Variants in ENPP1 observed in about 807,000 individuals in gnomAD.
ENPP1 encodes ectonucleotide pyrophosphatase/phosphodiesterase 1, also known as ectonucleotide pyrophosphatase/phosphodiesterase family member 1.
ENPP1 carries 73 observed loss-of-function variants against 122.8 expected under a neutral mutation model. The ratio of observed to expected loss-of-function variants is 0.59; its 90% CI spans 0.49 to 0.72. The LOEUF (loss-of-function observed/expected upper bound fraction) is 0.72. Among genes scored for constraint, ENPP1 ranks in the 30% least tolerant of loss-of-function variants. The probability of loss-of-function intolerance (pLI) is 0.00; values close to 1 mark genes in which losing one functional copy is unlikely to be tolerated. For missense variants in ENPP1, 978 were observed against 1,128.1 expected, an observed-to-expected ratio of 0.87 and a Z score of 1.91; for synonymous variants, 367 against 391.6, an observed-to-expected ratio of 0.94 and a Z score of 0.74.
chr6:131,881,952 G>C (rs1782315137), intron 20 of ENPP1, among the ~76,000 whole-genome samples: 1 of 152,086 alleles, frequency 6.6e-6, no homozygotes. Flanking sequence ...CTGGGGGGCA[G>C]AGTTGCGGTG....
At chr6:131,819,268 T>G (rs1167078863) in intron 1 of ENPP1, among the ~76,000 whole-genome samples, 2 of 152,240 alleles carry the variant, frequency 1.3e-5, no homozygotes, top group Admixed American at 6.5e-5. Context: ...AGTTCAGTAA[T>G]ACCTTTTCCA....
chr6:131,887,725 A>ATTTTTTTTTT (rs757759048), intron 24 of ENPP1, among the ~76,000 whole-genome samples: 6 of 114,846 alleles, frequency 5.2e-5, no homozygotes, highest in African/African-American at 1.1e-4. Flanking sequence ...CACCCGGCTA[A>ATTTTTTTTTT]TTTTTTTTTT....
chr6:131,828,294 C>T, intron 1 of ENPP1: 1 of 527,360 alleles, frequency 1.9e-6, no homozygotes. Flanking sequence ...AGAGCTCCAG[C>T]CAGCATGTCC....
chr6:131,885,184 C>T (rs559260146), intron 23 of ENPP1, 121 bp downstream of exon 23: 1 of 841,142 alleles, frequency 1.2e-6, no homozygotes, highest in South Asian at 1.5e-5. Flanking sequence ...GTGTATGACA[C>T]TTCTGACTAC....
intron 21 of ENPP1, among the ~76,000 whole-genome samples, 186 bp downstream of exon 21, chr6:131,882,660 T>C (rs893732255): frequency 2.7e-5 from 4 of 147,326 alleles, no homozygotes; most frequent in Non-Finnish European, 4.5e-5. Flanking sequence ...TTTATATATA[T>C]ATAGCTATAT....
At chr6:131,886,506 C>A in intron 23 of ENPP1, 56 bp from the exon 24 acceptor site, 2 of 1,292,196 alleles carry the variant, frequency 1.5e-6, no homozygotes, top group South Asian at 1.2e-5. Context: ...CTGAAATATT[C>A]ATCAAAAGGA....
intron 14 of ENPP1, 68 bp from the exon 15 acceptor site, chr6:131,872,855 C>G (rs796538977): frequency 6.8e-7 from 1 of 1,479,326 alleles, no homozygotes; most frequent in Non-Finnish European, 9.4e-7. Context: ...ATATCTTTCC[C>G]TAAAAAAGTT....
rs536901634 is a variant in ENPP1, at chr6:131,847,856, G to GGGGT, written c.313+9_313+10insGGTG. On this transcript the variant is annotated intron_variant, in intron 2 of 24. Coordinates refer to ENST00000647893, the MANE Select transcript of ENPP1 (RefSeq NM_006208.3). ...CAAGCTGTGCCAAAGAAGGTAATTA[G>GGGGT]GTGTGTGTGTGTGTGTGTGTGTGTG... 923 of 1,181,994 alleles carry GGGGT rather than the reference G, an allele frequency of 7.8e-4. 4 individuals carry two copies. In the South Asian group the frequency reaches 9.7e-3, roughly 12 times the overall value. 73.2% of individuals were successfully genotyped at this position (1,181,994 alleles called of 1,614,324 possible).
chr6:131,868,719 C>T (rs1782120629), intron 12 of ENPP1, among the ~76,000 whole-genome samples: 1 of 152,212 alleles, frequency 6.6e-6, no homozygotes, highest in African/African-American at 2.4e-5. Flanking sequence ...GGATTACAGG[C>T]ATTAGCCATC....
At chr6:131,839,929 G>A (rs1173544055) in intron 1 of ENPP1, among the ~76,000 whole-genome samples, 1 of 152,058 alleles carries the variant, frequency 6.6e-6, no homozygotes, top group East Asian at 1.9e-4. Flanking sequence ...TGGACATTAT[G>A]TGTATGTCTA....
intron 1 of ENPP1, among the ~76,000 whole-genome samples, chr6:131,833,294 A>AT (rs926130305): frequency 5.3e-5 from 8 of 151,694 alleles, no homozygotes; most frequent in South Asian, 2.1e-4. Flanking sequence ...TAGTTCTTTG[A>AT]TTTTTTTTAA....
Position 131,860,969 on chromosome 6 carries a change from T to TA in ENPP1, c.915+470dup, listed in dbSNP as rs572802992. ...TTTACTTTTTTAAATTGCCACAATT[T>TA]AAAAAAATTTTTTAAAAATTGCCAC... On this transcript the variant is annotated intron_variant, in intron 8 of 24. Transcript: ENST00000647893. 1.0e-3 allele frequency among the ~76,000 whole-genome samples: 152 copies of TA among 152,282 alleles called. 7 individuals carry two copies. The South Asian group carries it at 0.03, about 31-fold the overall frequency.
chr6:131,886,715 G>C lies in ENPP1; in HGVS notation c.2598G>C (p.Glu866Asp). ...TGCCTCACAGGACTGATAACAGCGA[G>C]AGCTGTGTGGTAAGTAGCTTTTGTA... is the stretch of plus-strand genomic sequence containing the variant. Reference protein sequence around the residue: ...FILPHRTDNSESCVHGKHDSS... With the variant: ...FILPHRTDNSDSCVHGKHDSS... Residue 866 changes from glutamate to aspartate, a missense_variant, in exon 24 of 25, where the codon GAG becomes GAC. Transcript: ENST00000647893. 3 of 1,612,554 alleles carry C rather than the reference G, an allele frequency of 1.9e-6. No individual in the cohort carries two copies. Among genetic ancestry groups the C allele is most frequent in the Non-Finnish European group, 2.5e-6 (3 of 1,179,564 alleles).
At chr6:131,854,236 G>A (rs1781916978) in intron 5 of ENPP1, among the ~76,000 whole-genome samples, 1 of 151,726 alleles carries the variant, frequency 6.6e-6, no homozygotes, top group African/African-American at 2.4e-5. Flanking sequence ...GAGACCTCAT[G>A]TCTACAAAAA....
intron 12 of ENPP1, 87 bp from the exon 13 acceptor site, chr6:131,869,271 A>T: frequency 1.5e-6 from 2 of 1,348,664 alleles, no homozygotes; most frequent in Non-Finnish European, 1.1e-6. Flanking sequence ...TAACGAATTT[A>T]ACCTTGGAAG....
chr6:131,843,951 T>C (rs1213951988), intron 1 of ENPP1, among the ~76,000 whole-genome samples: 1 of 152,018 alleles, frequency 6.6e-6, no homozygotes, highest in Non-Finnish European at 1.5e-5. Context: ...TGCTATACCT[T>C]AGTTTGTTTT....
rs1377229014 is a variant in ENPP1, at chr6:131,849,908, CCTAA to C, written c.314-79_314-76del. 26 of 1,019,330 alleles carry C rather than the reference CCTAA, an allele frequency of 2.6e-5. No homozygotes were observed. In the African/African-American group the frequency reaches 3.5e-4, roughly 14 times the overall value. The allele number at this position is 1,019,330 out of a possible 1,614,324, so 63.1% of individuals were successfully genotyped here. ...AAGTAGTATTTGAACCTAGTGTACA[CCTAA>C]CTTAGTTGTATTCGTTGATGTTTAC... On this transcript the variant is annotated intron_variant, in intron 2 of 24. Transcript: ENST00000647893.
chr6:131,888,800 T>C (rs1391481450), intron 24 of ENPP1, among the ~76,000 whole-genome samples: 1 of 152,148 alleles, frequency 6.6e-6, no homozygotes, highest in Non-Finnish European at 1.5e-5. Context: ...ATTATTTCGT[T>C]TGAGAGATTA....
chr6:131,817,883 G>A lies in ENPP1; in HGVS notation c.240+9608G>A, dbSNP rs556360916. Among the ~76,000 whole-genome samples the A allele has an allele frequency of 8.5e-5, 13 of 152,090 alleles. No homozygotes were observed. In the South Asian group the frequency reaches 2.7e-3, roughly 32 times the overall value. ...AAATTGTCACAGCGAATTGTCACAA[G>A]TGTTTCTCATTTATGGATTGACCAT... On this transcript the variant is annotated intron_variant, in intron 1 of 24. Coordinates refer to ENST00000647893, the MANE Select transcript of ENPP1 (RefSeq NM_006208.3).
Sources: gnomAD v4.1 joint callset for allele counts (sites outside exome capture counted in the v4.1 genomes callset) on GRCh38, gnomAD v4.1.1 for gene constraint, MANE v1.5 for transcripts, NCBI Gene and HGNC (gene_info 2026-07-23, HGNC 2026-07-21) for gene names.